Variants in RNF180 observed in about 807,000 individuals in gnomAD.
RNF180 encodes the protein ring finger protein 180.
RNF180 carries 38 observed loss-of-function variants against 59.2 expected under a neutral mutation model. The ratio of observed to expected loss-of-function variants is 0.64; its 90% CI spans 0.50 to 0.84. The LOEUF (loss-of-function observed/expected upper bound fraction) is 0.84, where lower values mean the gene tolerates loss of function less well. Among genes scored for constraint, RNF180 ranks in the 40% least tolerant of loss-of-function variants. The pLI is 0.00. For missense variants in RNF180, 705 were observed against 700.9 expected, an observed-to-expected ratio of 1.01 and a Z score of -0.07; for synonymous variants, 262 against 240.3, an observed-to-expected ratio of 1.09 and a Z score of -0.84.
At position 64,213,132 on chromosome 5, in the gene RNF180, G is replaced by A. The variant is rs143887454; in HGVS notation, c.232-426G>A. 3.9e-3 allele frequency among the ~76,000 whole-genome samples: 597 copies of A among 152,256 alleles called. 3 individuals are homozygous for A. Among genetic ancestry groups the A allele is most frequent in the African/African-American group, 0.014 (574 of 41,556 alleles). On this transcript the variant is annotated intron_variant, in intron 3 of 7. Transcript: ENST00000389100. ...AGCTTTATTCTGTTGGTTGGGTAAC[G>A]TTCCCTCCCACAGTGCTTGGTATGC...
chr5:64,273,563 TA>T (rs1242714333), intron 5 of RNF180, among the ~76,000 whole-genome samples: 1 of 151,828 alleles, frequency 6.6e-6, no homozygotes, highest in Non-Finnish European at 1.5e-5. Context: ...GAAAAAAAAG[TA>T]ACACCTATTT....
chr5:64,232,567 T>G (rs941985292), intron 5 of RNF180, among the ~76,000 whole-genome samples: 7 of 152,226 alleles, frequency 4.6e-5, no homozygotes, highest in African/African-American at 1.7e-4. Context: ...GAATATTTCC[T>G]CCTTTATGTT....
At chr5:64,290,431 T>A (rs1742517403) in intron 5 of RNF180, among the ~76,000 whole-genome samples, 1 of 152,210 alleles carries the variant, frequency 6.6e-6, no homozygotes, top group African/African-American at 2.4e-5. Flanking sequence ...TGAATATATT[T>A]GTTAATTTTC....
chr5:64,288,026 T>C (rs935741350), intron 5 of RNF180, among the ~76,000 whole-genome samples: 1 of 152,232 alleles, frequency 6.6e-6, no homozygotes, highest in African/African-American at 2.4e-5. Context: ...AGAGTTTTTA[T>C]AGTTTTGAGT....
At chr5:64,339,736 T>C (rs1019698751) in intron 7 of RNF180, among the ~76,000 whole-genome samples, 4 of 151,828 alleles carry the variant, frequency 2.6e-5, no homozygotes, top group African/African-American at 9.7e-5. Context: ...AGACAAACAG[T>C]TACAGATTTT....
At chr5:64,271,437 C>A (rs1741390425) in intron 5 of RNF180, among the ~76,000 whole-genome samples, 1 of 151,736 alleles carries the variant, frequency 6.6e-6, no homozygotes, top group Non-Finnish European at 1.5e-5. Context: ...AATAATGGAC[C>A]ACATATAAAA....
chr5:64,214,002 A>T lies in RNF180; in HGVS notation c.676A>T (p.Arg226Ter), dbSNP rs1752473462. ...CAGATGCGCTACAAGAGCTTTTCAT[A>T]GAAAATCACATAGTTTGGATCTGAA... ...TGRCATRAFH[R>*]KSHSLDLNIS... The change falls in exon 4 of 8, where the codon AGA (arginine) becomes TGA (stop). Residue 226 changes from arginine to a stop codon, truncating the protein, a stop_gained. Transcript: ENST00000389100. LOFTEE classifies it high-confidence loss of function. 1 of 1,614,046 alleles carries T rather than the reference A, an allele frequency of 6.2e-7. No individual in the cohort carries two copies. The highest frequency in any genetic ancestry group is 1.3e-5 in the African/African-American group (1 of 74,944).
intron 5 of RNF180, among the ~76,000 whole-genome samples, chr5:64,243,803 C>G (rs1742976750): frequency 6.6e-6 from 1 of 152,172 alleles, no homozygotes; most frequent in Admixed American, 6.5e-5. Flanking sequence ...TGGGACACAC[C>G]TCCCAGCAGG....
intron 5 of RNF180, among the ~76,000 whole-genome samples, chr5:64,274,886 G>C (rs1055071453): frequency 3.3e-5 from 5 of 151,970 alleles, no homozygotes; most frequent in Admixed American, 1.3e-4. Flanking sequence ...TAGCACTGGA[G>C]AAATACTTCC....
intron 5 of RNF180, among the ~76,000 whole-genome samples, chr5:64,274,504 T>C (rs1741604075): frequency 6.6e-6 from 1 of 152,046 alleles, no homozygotes; most frequent in Non-Finnish European, 1.5e-5. Context: ...TGTTTCTGTA[T>C]GTCTTGGCTG....
chr5:64,182,690 G>T (rs551902403), intron 1 of RNF180, among the ~76,000 whole-genome samples: 1 of 152,140 alleles, frequency 6.6e-6, no homozygotes, highest in Non-Finnish European at 1.5e-5. Flanking sequence ...AAGTTTATAC[G>T]AGAATAAGTG....
chr5:64,209,018 A>G (rs962821365), intron 2 of RNF180, among the ~76,000 whole-genome samples: 11 of 151,978 alleles, frequency 7.2e-5, no homozygotes, highest in African/African-American at 2.2e-4. Context: ...GAATAGCAGT[A>G]TCATACCTTA....
At chr5:64,174,463 C>T (rs1393949587) in intron 1 of RNF180, among the ~76,000 whole-genome samples, 1 of 152,128 alleles carries the variant, frequency 6.6e-6, no homozygotes, top group Non-Finnish European at 1.5e-5. Context: ...TACATTCCAG[C>T]ATTTGTTATT....
intron 5 of RNF180, among the ~76,000 whole-genome samples, chr5:64,224,305 G>A (rs1176685352): frequency 6.6e-6 from 1 of 152,104 alleles, no homozygotes; most frequent in Non-Finnish European, 1.5e-5. Context: ...GCCAACAAAG[G>A]TAGATAAAGA....
chr5:64,363,807 T>C (rs1171938975), intron 7 of RNF180, among the ~76,000 whole-genome samples: 3 of 151,906 alleles, frequency 2.0e-5, no homozygotes, highest in Non-Finnish European at 4.4e-5. Context: ...TTCACCTTCC[T>C]GGTTAGCTGT....
At chr5:64,167,791 G>A (rs1274587807) in intron 1 of RNF180, among the ~76,000 whole-genome samples, 1 of 152,038 alleles carries the variant, frequency 6.6e-6, no homozygotes, top group Non-Finnish European at 1.5e-5. Context: ...CTTAATTGTT[G>A]CTTTCATGGA....
chr5:64,214,268 A>G lies in RNF180; in HGVS notation c.942A>G (p.Leu314=). The change falls in exon 4 of 8, where the codon CTA becomes CTG. Residue 314 remains leucine (L), a synonymous_variant. Transcript: ENST00000389100. ...TQRGGEFQCG[L]EAASVYSDHT... ...GAGGAGGAGAATTTCAGTGTGGTCT[A>G]GAAGCTGCTTCAGTGTATTCTGACC... 2 of 1,614,098 alleles carry G rather than the reference A, an allele frequency of 1.2e-6. No homozygotes were observed. Among genetic ancestry groups the G allele is most frequent in the Non-Finnish European group, 1.7e-6 (2 of 1,180,004 alleles).
rs1396352774 is a variant in RNF180 at position 64,267,283 on chromosome 5, AC to A, written c.1227+49888del. Among the ~76,000 whole-genome samples the A allele has an allele frequency of 7.2e-5, 11 of 152,252 alleles. No homozygotes were observed. In the East Asian group the frequency reaches 2.1e-3, roughly 29 times the overall value. On this transcript the variant is annotated intron_variant, in intron 5 of 7. Transcript: ENST00000389100. ...ACAAGATTTTAAATGCATAAAATAA[AC>A]TACAGGCTTAAGAAAGTAATTACAC...
chr5:64,315,577 T>C (rs1398377198), intron 5 of RNF180, among the ~76,000 whole-genome samples: 2 of 152,078 alleles, frequency 1.3e-5, no homozygotes, highest in East Asian at 3.9e-4. Flanking sequence ...AAACCCCTTC[T>C]CTACTAAAAA....
Sources: gnomAD v4.1 joint callset for allele counts (sites outside exome capture counted in the v4.1 genomes callset) on GRCh38, gnomAD v4.1.1 for gene constraint, MANE v1.5 for transcripts, NCBI Gene and HGNC (gene_info 2026-07-23, HGNC 2026-07-21) for gene names.